Variants in OPCML observed in about 807,000 individuals in gnomAD.
The protein encoded by OPCML is opioid-binding protein/cell adhesion molecule.
Under a neutral mutation model 37.8 loss-of-function variants are expected in OPCML, and 13 were observed. The observed-to-expected ratio is 0.34, with a 90% CI of 0.22 to 0.55. OPCML has a LOEUF of 0.55. Ranked by LOEUF, OPCML falls within the 20% of genes least tolerant of loss-of-function variation. OPCML has a pLI of 0.91. For synonymous variants in OPCML, 176 were observed against 168.8 expected (o/e 1.04, Z -0.33); for missense variants, 341 against 435.6 (o/e 0.78, Z 1.93).
At chr11:133,243,623 A>C (rs1198807739) in intron 1 of OPCML, among the ~76,000 whole-genome samples, 1 of 152,228 alleles carries the variant, frequency 6.6e-6, no homozygotes, top group African/African-American at 2.4e-5. Flanking sequence ...CAGAGAAGCC[A>C]GCCAAACACA....
intron 7 of OPCML, among the ~76,000 whole-genome samples, chr11:132,431,870 C>T (rs2095998115): frequency 6.6e-6 from 1 of 152,132 alleles, no homozygotes; most frequent in African/African-American, 2.4e-5. Context: ...CAGATGGGGA[C>T]TGTGTGTTGG....
intron 1 of OPCML, among the ~76,000 whole-genome samples, chr11:133,209,421 G>A (rs867969002): frequency 2.8e-4 from 43 of 152,100 alleles, no homozygotes; most frequent in Admixed American, 2.2e-3. Flanking sequence ...AATTAAGTTC[G>A]AAAATAGAAA....
chr11:132,752,424 C>T (rs148716955), intron 2 of OPCML, among the ~76,000 whole-genome samples: 509 of 152,256 alleles, frequency 3.3e-3, no homozygotes, highest in African/African-American at 0.012. Flanking sequence ...AATCAAGACT[C>T]ATAATGCAGA....
At chr11:133,480,285 A>G (rs536103527) in intron 1 of OPCML, among the ~76,000 whole-genome samples, 20 of 152,096 alleles carry the variant, frequency 1.3e-4, no homozygotes, top group African/African-American at 2.2e-4. Context: ...TTATCACTGT[A>G]TTTATTTGAC....
chr11:133,439,688 C>T lies in OPCML; in HGVS notation c.61+92576G>A, dbSNP rs539141907. Among the ~76,000 whole-genome samples the T allele has an allele frequency of 1.1e-3, 166 of 151,838 alleles. 1 individual carries two copies. The highest frequency in any genetic ancestry group is 2.8e-4 in the Non-Finnish European group (19 of 67,942). On this transcript the variant is annotated intron_variant, in intron 1 of 7. Transcript: ENST00000524381. ...TTCACCGTTTTAGCCAGGATGGTCT[C>T]GATCTCCTGACTTCGTGATCCACCC...
chr11:132,564,107 T>A lies in OPCML; in HGVS notation c.380-34921A>T, dbSNP rs562971621. Among the ~76,000 whole-genome samples the A allele has an allele frequency of 4.1e-4, 62 of 152,322 alleles. 1 individual carries two copies. Among genetic ancestry groups the A allele is most frequent in the African/African-American group, 1.4e-3 (60 of 41,572 alleles). ...CAAAAATCACGTGGAAAGTTGATGA[T>A]GTTCTGGTTCAGTGACGCCTGCTCT... On this transcript the variant is annotated intron_variant, in intron 3 of 7. Transcript: ENST00000524381.
At chr11:133,284,419 G>C (rs1942242643) in intron 1 of OPCML, among the ~76,000 whole-genome samples, 1 of 152,186 alleles carries the variant, frequency 6.6e-6, no homozygotes, top group South Asian at 2.1e-4. Context: ...TGTGAGCTGG[G>C]AGGAGCACTT....
At chr11:133,496,393 G>A (rs1947787841) in intron 1 of OPCML, among the ~76,000 whole-genome samples, 1 of 152,098 alleles carries the variant, frequency 6.6e-6, no homozygotes, top group African/African-American at 2.4e-5. Context: ...GTTATTTTTT[G>A]GTTCCATATG....
At chr11:133,454,993 A>G (rs1487757055) in intron 1 of OPCML, among the ~76,000 whole-genome samples, 1 of 152,038 alleles carries the variant, frequency 6.6e-6, no homozygotes, top group African/African-American at 2.4e-5. Context: ...TCCCATCTGG[A>G]TTATTGATTT....
intron 2 of OPCML, among the ~76,000 whole-genome samples, chr11:132,933,355 G>A (rs374794168): frequency 2.4e-4 from 37 of 152,208 alleles, no homozygotes; most frequent in Non-Finnish European, 3.8e-4. Flanking sequence ...CTTGCAAATC[G>A]TTCAGAATCT....
At chr11:132,870,887 G>C (rs1263563044) in intron 2 of OPCML, among the ~76,000 whole-genome samples, 1 of 152,184 alleles carries the variant, frequency 6.6e-6, no homozygotes, top group Non-Finnish European at 1.5e-5. Context: ...GTTGCCAGTG[G>C]TTACTAGGGG....
At chr11:133,239,249 T>A (rs369101607) in intron 1 of OPCML, among the ~76,000 whole-genome samples, 1 of 152,372 alleles carries the variant, frequency 6.6e-6, no homozygotes, top group East Asian at 1.9e-4. Context: ...TTGACTGAGC[T>A]GCTTGGTGGA....
intron 1 of OPCML, among the ~76,000 whole-genome samples, chr11:133,274,066 A>G (rs1317935500): frequency 6.6e-6 from 1 of 152,226 alleles, no homozygotes; most frequent in Admixed American, 6.5e-5. Flanking sequence ...CTATATCTGT[A>G]TTCAGCACTA....
intron 2 of OPCML, among the ~76,000 whole-genome samples, chr11:132,848,400 T>C (rs1281632734): frequency 6.6e-6 from 1 of 152,178 alleles, no homozygotes; most frequent in Non-Finnish European, 1.5e-5. Flanking sequence ...CCTTGGAAAA[T>C]AGTCAAGTCA....
chr11:133,440,840 T>C (rs770631047), intron 1 of OPCML, among the ~76,000 whole-genome samples: 20 of 147,358 alleles, frequency 1.4e-4, no homozygotes, highest in Non-Finnish European at 2.7e-4. Flanking sequence ...AAATCATATA[T>C]ATATATGATT....
intron 4 of OPCML, among the ~76,000 whole-genome samples, chr11:132,495,277 A>G (rs1397676082): frequency 6.6e-6 from 1 of 152,208 alleles, no homozygotes; most frequent in Non-Finnish European, 1.5e-5. Context: ...ATTTATACTG[A>G]AAACTGTAAT....
intron 1 of OPCML, among the ~76,000 whole-genome samples, chr11:133,149,382 C>T: frequency 6.6e-6 from 1 of 152,166 alleles, no homozygotes; most frequent in East Asian, 1.9e-4. Flanking sequence ...AATGTTCTTT[C>T]CTACTGTTTT....
At chr11:133,406,193 A>G (rs1945522553) in intron 1 of OPCML, among the ~76,000 whole-genome samples, 1 of 152,192 alleles carries the variant, frequency 6.6e-6, no homozygotes, top group South Asian at 2.1e-4. Context: ...AACTTCGGGC[A>G]GCTTGGAGAG....
intron 1 of OPCML, among the ~76,000 whole-genome samples, chr11:133,457,874 T>G (rs1946705822): frequency 6.6e-6 from 1 of 152,102 alleles, no homozygotes; most frequent in Non-Finnish European, 1.5e-5. Flanking sequence ...TAGCCAGGTC[T>G]GGTGGCTCAC....
Sources: allele counts gnomAD v4.1 joint callset (sites outside exome capture counted in the v4.1 genomes callset), GRCh38; gene constraint gnomAD v4.1.1; transcripts MANE v1.5; gene names NCBI Gene and HGNC (gene_info 2026-07-23, HGNC 2026-07-21).